Variants in HECW2 observed in about 807,000 individuals in gnomAD.
HECW2 encodes HECT, C2 and WW domain containing E3 ubiquitin protein ligase 2.
HECW2 carries 61 observed loss-of-function variants against 175.2 expected under a neutral mutation model. The observed-to-expected ratio is 0.35, with a 90% CI of 0.28 to 0.43. The LOEUF is 0.43. Ranked by LOEUF, HECW2 falls within the 20% of genes least tolerant of loss-of-function variation. The probability of loss-of-function intolerance (pLI) is 1.00; values close to 1 mark genes in which losing one functional copy is unlikely to be tolerated. For missense variants in HECW2, 1,524 were observed against 2,000.5 expected, an observed-to-expected ratio of 0.76 and a Z score of 4.54; for synonymous variants, 671 against 731.0, an observed-to-expected ratio of 0.92 and a Z score of 1.32.
rs764293152 is a variant in HECW2, at chr2:196,318,787, C to G, written c.2103G>C (p.Val701=). Residue 701 remains valine, a synonymous_variant, in exon 9 of 29, where the codon GTG becomes GTC. Coordinates refer to ENST00000644978, the MANE Select transcript of HECW2 (RefSeq NM_001348768.2). ...SGPAEGSQES[V]CTAGSLPVVQ... ...CCACAGGTAAAGAACCAGCAGTGCA[C>G]ACGGATTCCTGCGACCCTTCGGCAG... The G allele has an allele frequency of 1.3e-6, 2 of 1,529,000 alleles. No homozygotes were observed. The highest frequency in any genetic ancestry group is 1.8e-6 in the Non-Finnish European group (2 of 1,137,128). 94.7% of individuals were successfully genotyped at this position (1,529,000 alleles called of 1,614,324 possible). A position where few individuals can be genotyped will look rare whatever the true frequency, so the allele number is the denominator to read the frequency against.
At chr2:196,559,500 C>CCAGT (rs1689923859) in intron 1 of HECW2, among the ~76,000 whole-genome samples, 3 of 152,308 alleles carry the variant, frequency 2.0e-5, no homozygotes, top group South Asian at 4.1e-4. Context: ...CATCTGGAGT[C>CCAGT]CAGTTGATTA....
At chr2:196,413,891 A>G (rs1250811667) in intron 2 of HECW2, among the ~76,000 whole-genome samples, 3 of 152,074 alleles carry the variant, frequency 2.0e-5, no homozygotes, top group Admixed American at 1.3e-4. Context: ...TGGTCTCTAT[A>G]GGAACGCGGA....
chr2:196,555,968 T>C (rs1689778549), intron 1 of HECW2, among the ~76,000 whole-genome samples: 1 of 152,206 alleles, frequency 6.6e-6, no homozygotes, highest in Non-Finnish European at 1.5e-5. Flanking sequence ...CCTTATGTGA[T>C]TCAACTACAA....
intron 2 of HECW2, among the ~76,000 whole-genome samples, chr2:196,425,320 C>T (rs186076766): frequency 9.1e-4 from 138 of 151,780 alleles, no homozygotes; most frequent in Non-Finnish European, 3.2e-4. Flanking sequence ...ACACAACACT[C>T]ATTCTGTAGC....
chr2:196,559,563 C>A (rs1197870792), intron 1 of HECW2, among the ~76,000 whole-genome samples: 1 of 152,150 alleles, frequency 6.6e-6, no homozygotes, highest in Non-Finnish European at 1.5e-5. Context: ...AGACGAGGCT[C>A]TACTGTGCTT....
chr2:196,298,812 T>C lies in HECW2; in HGVS notation c.2815-6062A>G, dbSNP rs187745642. On this transcript the variant is annotated intron_variant, in intron 13 of 28. Coordinates refer to ENST00000644978, the MANE Select transcript of HECW2 (RefSeq NM_001348768.2). ...TTAGGAAAATTATTAAATACATTCC[T>C]TTTGCATATTGAACATTTTCAATAA... 1.0e-3 allele frequency among the ~76,000 whole-genome samples: 156 copies of C among 152,304 alleles called. No homozygotes were observed. The South Asian group carries it at 0.029, about 28-fold the overall frequency.
chr2:196,361,170 G>A (rs1427121584), intron 2 of HECW2, among the ~76,000 whole-genome samples: 1 of 152,148 alleles, frequency 6.6e-6, no homozygotes, highest in Non-Finnish European at 1.5e-5. Flanking sequence ...ATTAATTAAA[G>A]TGGATTTTCT....
intron 1 of HECW2, among the ~76,000 whole-genome samples, chr2:196,437,668 G>A (rs6732696): frequency 0.25 from 36,761 of 146,598 alleles, 4,829 homozygotes; most frequent in Middle Eastern, 0.33. Context: ...GCCCACTGAC[G>A]AATGCAAGCC....
At chr2:196,231,817 G>A (rs1466631009) in intron 21 of HECW2, among the ~76,000 whole-genome samples, 2 of 151,996 alleles carry the variant, frequency 1.3e-5, no homozygotes, top group African/African-American at 2.4e-5. Flanking sequence ...GTGAAACCCC[G>A]TCTCTACTAA....
At chr2:196,296,256 A>G (rs1283234695) in intron 13 of HECW2, among the ~76,000 whole-genome samples, 1 of 152,156 alleles carries the variant, frequency 6.6e-6, no homozygotes, top group Non-Finnish European at 1.5e-5. Context: ...CAGCTCTGTC[A>G]CTCATAGAGA....
chr2:196,410,517 G>C (rs1695081813), intron 2 of HECW2, among the ~76,000 whole-genome samples: 1 of 152,018 alleles, frequency 6.6e-6, no homozygotes, highest in Admixed American at 6.5e-5. Context: ...GAGTTTTTTA[G>C]GTCAGTCTGT....
intron 1 of HECW2, among the ~76,000 whole-genome samples, chr2:196,580,654 CA>C (rs56875271): frequency 0.083 from 7,592 of 91,836 alleles, 486 homozygotes; most frequent in African/African-American, 0.23. Flanking sequence ...GCTACAATGG[CA>C]AAAAAAAAAA....
chr2:196,379,484 A>G (rs371512242), intron 2 of HECW2, among the ~76,000 whole-genome samples: 6 of 151,918 alleles, frequency 3.9e-5, no homozygotes, highest in South Asian at 2.1e-4. Flanking sequence ...AGGAGATCGA[A>G]ACCATCCTGG....
chr2:196,464,711 T>C (rs1696878950), intron 1 of HECW2, among the ~76,000 whole-genome samples: 1 of 150,548 alleles, frequency 6.6e-6, no homozygotes. Flanking sequence ...AACCTCCAAA[T>C]AGGATAAGAC....
chr2:196,266,615 T>G (rs889924798), intron 17 of HECW2, among the ~76,000 whole-genome samples: 1 of 152,178 alleles, frequency 6.6e-6, no homozygotes, highest in African/African-American at 2.4e-5. Context: ...AGTACTTCAG[T>G]TGTTAACCAA....
intron 1 of HECW2, among the ~76,000 whole-genome samples, chr2:196,475,822 C>T (rs1392617164): frequency 6.6e-6 from 1 of 152,234 alleles, no homozygotes; most frequent in African/African-American, 2.4e-5. Context: ...GGCCATTTGC[C>T]CACTTCCGGC....
chr2:196,258,587 A>T (rs192813281), intron 17 of HECW2, among the ~76,000 whole-genome samples: 1 of 152,280 alleles, frequency 6.6e-6, no homozygotes, highest in Admixed American at 6.5e-5. Flanking sequence ...GGTAAATGTG[A>T]TACCAGCTTT....
chr2:196,501,095 T>C (rs1053698195), intron 1 of HECW2, among the ~76,000 whole-genome samples: 1 of 152,254 alleles, frequency 6.6e-6, no homozygotes, highest in Non-Finnish European at 1.5e-5. Flanking sequence ...CTGATTATAA[T>C]GGCAGAAATA....
At chr2:196,518,833 A>T (rs1421123999) in intron 1 of HECW2, among the ~76,000 whole-genome samples, 4 of 151,952 alleles carry the variant, frequency 2.6e-5, no homozygotes, top group Admixed American at 2.0e-4. Flanking sequence ...TGCCTCTTAC[A>T]AGCAGCCTTC....
Sources: allele counts gnomAD v4.1 joint callset (sites outside exome capture counted in the v4.1 genomes callset), GRCh38; gene constraint gnomAD v4.1.1; transcripts MANE v1.5; gene names NCBI Gene and HGNC (gene_info 2026-07-23, HGNC 2026-07-21).